Variants in NKAIN2 observed in about 807,000 individuals in gnomAD.
NKAIN2 encodes the protein sodium/potassium transporting ATPase interacting 2.
A neutral mutation model predicts 32.6 loss-of-function variants in NKAIN2; 14 were observed. That is an observed-to-expected ratio of 0.43 (90% confidence interval 0.28 to 0.67). NKAIN2 has a LOEUF of 0.67. NKAIN2 is among the 30% of genes least tolerant of loss of function. The pLI is 0.17. For synonymous variants in NKAIN2, 80 were observed against 87.2 expected, an observed-to-expected ratio of 0.92 and a Z score of 0.46; for missense variants, 198 against 258.3, an observed-to-expected ratio of 0.77 and a Z score of 1.60.
At chr6:124,025,959 C>T (rs1020893682) in intron 1 of NKAIN2, among the ~76,000 whole-genome samples, 6 of 152,032 alleles carry the variant, frequency 3.9e-5, no homozygotes, top group Non-Finnish European at 7.4e-5. Context: ...AGTATAACAC[C>T]TTCATTCCTG....
intron 2 of NKAIN2, among the ~76,000 whole-genome samples, chr6:124,309,132 A>T (rs925513903): frequency 1.3e-5 from 2 of 152,150 alleles, no homozygotes; most frequent in Non-Finnish European, 2.9e-5. Context: ...AAGCTCACTC[A>T]CATACTAGTG....
At chr6:124,167,028 A>C (rs1353937707) in intron 1 of NKAIN2, among the ~76,000 whole-genome samples, 2 of 149,094 alleles carry the variant, frequency 1.3e-5, no homozygotes, top group Admixed American at 1.3e-4. Context: ...TATGAACTTT[A>C]AAGTAGTTTT....
intron 1 of NKAIN2, among the ~76,000 whole-genome samples, chr6:123,874,167 C>A (rs1773049594): frequency 6.6e-6 from 1 of 152,054 alleles, no homozygotes; most frequent in South Asian, 2.1e-4. Context: ...TTTTTTCCAC[C>A]ATGGAGAGCA....
At chr6:123,914,274 A>G (rs972079438) in intron 1 of NKAIN2, among the ~76,000 whole-genome samples, 1 of 151,970 alleles carries the variant, frequency 6.6e-6, no homozygotes, top group Non-Finnish European at 1.5e-5. Context: ...ACAGAGAGAG[A>G]CAGAGACAGT....
intron 3 of NKAIN2, among the ~76,000 whole-genome samples, chr6:124,612,555 G>C (rs1782732858): frequency 6.6e-6 from 1 of 152,082 alleles, no homozygotes; most frequent in African/African-American, 2.4e-5. Context: ...AGAAAATAGG[G>C]GAGGCTGAAA....
intron 1 of NKAIN2, among the ~76,000 whole-genome samples, chr6:124,211,651 G>C (rs1432485390): frequency 6.6e-6 from 1 of 151,974 alleles, no homozygotes; most frequent in Non-Finnish European, 1.5e-5. Flanking sequence ...AATAGCTGTT[G>C]TCCATAGGAT....
intron 1 of NKAIN2, among the ~76,000 whole-genome samples, chr6:123,940,423 G>A (rs1302118571): frequency 5.3e-5 from 8 of 151,510 alleles, no homozygotes; most frequent in Admixed American, 4.0e-4. Flanking sequence ...TTAATGACAG[G>A]GATTGAGAAA....
chr6:124,791,909 T>C (rs531137774), intron 5 of NKAIN2, among the ~76,000 whole-genome samples: 2 of 152,272 alleles, frequency 1.3e-5, no homozygotes, highest in Admixed American at 1.3e-4. Flanking sequence ...GTTCCTACTA[T>C]TTGACACAAA....
chr6:123,880,106 T>A (rs551390121), intron 1 of NKAIN2, among the ~76,000 whole-genome samples: 1 of 152,068 alleles, frequency 6.6e-6, no homozygotes. Context: ...CTGAGAAGAG[T>A]CAGTCAGGGA....
intron 1 of NKAIN2, among the ~76,000 whole-genome samples, chr6:124,066,352 C>G (rs760303850): frequency 2.6e-5 from 4 of 152,186 alleles, no homozygotes; most frequent in Admixed American, 6.6e-5. Flanking sequence ...TTGTTCTCCT[C>G]TGCCATTTGT....
chr6:123,856,272 A>G (rs1375873769), intron 1 of NKAIN2, among the ~76,000 whole-genome samples: 1 of 152,208 alleles, frequency 6.6e-6, no homozygotes, highest in South Asian at 2.1e-4. Flanking sequence ...CATTATGGAT[A>G]TGTTAAGAAT....
chr6:124,625,317 T>C (rs561067017), intron 3 of NKAIN2, among the ~76,000 whole-genome samples: 36 of 132,480 alleles, frequency 2.7e-4, no homozygotes, highest in African/African-American at 1.0e-3. Context: ...GGAGGCTTGA[T>C]TACATGTCAG....
At chr6:124,179,332 T>C (rs546139377) in intron 1 of NKAIN2, among the ~76,000 whole-genome samples, 1 of 152,278 alleles carries the variant, frequency 6.6e-6, no homozygotes, top group Non-Finnish European at 1.5e-5. Flanking sequence ...GTTCTTCAGC[T>C]ATTCTGTGTG....
chr6:124,295,996 C>T (rs931760866), intron 2 of NKAIN2, among the ~76,000 whole-genome samples: 2 of 152,058 alleles, frequency 1.3e-5, no homozygotes, highest in Non-Finnish European at 2.9e-5. Context: ...CAATGAATAA[C>T]ATCACTGTTT....
chr6:124,097,358 G>A (rs1332143992), intron 1 of NKAIN2, among the ~76,000 whole-genome samples: 1 of 148,976 alleles, frequency 6.7e-6, no homozygotes, highest in Non-Finnish European at 1.5e-5. Context: ...AGCCGACATC[G>A]CGCCACTGCA....
chr6:123,981,031 G>A (rs564271882), intron 1 of NKAIN2, among the ~76,000 whole-genome samples: 5 of 152,010 alleles, frequency 3.3e-5, no homozygotes, highest in East Asian at 3.9e-4. Flanking sequence ...CACCATGCCC[G>A]GCTATTTTTT....
chr6:124,250,297 C>A (rs1793636722), intron 1 of NKAIN2, among the ~76,000 whole-genome samples: 1 of 152,046 alleles, frequency 6.6e-6, no homozygotes, highest in Non-Finnish European at 1.5e-5. Context: ...TTTGTTATAG[C>A]AGCCTGAATT....
intron 3 of NKAIN2, among the ~76,000 whole-genome samples, chr6:124,357,025 C>G (rs17051705): frequency 0.14 from 21,079 of 151,958 alleles, 1,596 homozygotes; most frequent in African/African-American, 0.2. Context: ...ACTGCAGGCA[C>G]AGAATAAAGC....
chr6:124,163,856 A>G (rs890193024), intron 1 of NKAIN2, among the ~76,000 whole-genome samples: 1 of 152,046 alleles, frequency 6.6e-6, no homozygotes, highest in South Asian at 2.1e-4. Flanking sequence ...TAATATGGAA[A>G]AGAACAGTTA....
Sources: allele counts gnomAD v4.1 joint callset (sites outside exome capture counted in the v4.1 genomes callset), GRCh38; gene constraint gnomAD v4.1.1; transcripts MANE v1.5; gene names NCBI Gene and HGNC (gene_info 2026-07-23, HGNC 2026-07-21).